SNAP91: variants seen among roughly 807,000 people sequenced by gnomAD.
The protein encoded by SNAP91 is synaptosome associated protein 91.
Under a neutral mutation model 100.3 loss-of-function variants are expected in SNAP91, and 27 were observed. The observed-to-expected ratio is 0.27, with a 90% confidence interval of 0.20 to 0.37. SNAP91 has a LOEUF of 0.37. SNAP91 is among the 10% of genes least tolerant of loss of function. The pLI, the probability that SNAP91 is intolerant of heterozygous loss-of-function variation, is 1.00. For synonymous variants in SNAP91, 404 were observed against 398.6 expected (o/e 1.01, Z -0.16); for missense variants, 986 against 1,123.7 (o/e 0.88, Z 1.75).
chr6:83,694,347 G>T (rs2099167600), intron 2 of SNAP91, among the ~76,000 whole-genome samples: 2 of 152,152 alleles, frequency 1.3e-5, no homozygotes, highest in Non-Finnish European at 2.9e-5. Context: ...ATGCATAGAT[G>T]ACAGTGGAGG....
chr6:83,627,119 G>A (rs2096965121), intron 8 of SNAP91, among the ~76,000 whole-genome samples: 1 of 151,962 alleles, frequency 6.6e-6, no homozygotes, highest in African/African-American at 2.4e-5. Flanking sequence ...TAATTACATG[G>A]TTTTTAATTC....
At chr6:83,585,567 G>T (rs1265706114) in intron 22 of SNAP91, among the ~76,000 whole-genome samples, 1 of 150,740 alleles carries the variant, frequency 6.6e-6, no homozygotes, top group East Asian at 1.9e-4. Context: ...CTATGGAATG[G>T]AATTGGAAAC....
intron 2 of SNAP91, among the ~76,000 whole-genome samples, chr6:83,703,475 G>A (rs2129058670): frequency 6.6e-6 from 1 of 152,012 alleles, no homozygotes; most frequent in South Asian, 2.1e-4. Context: ...TCACTTTTAG[G>A]TTTAAATTTT....
At chr6:83,703,748 G>A (rs1332343213) in intron 2 of SNAP91, among the ~76,000 whole-genome samples, 4 of 152,076 alleles carry the variant, frequency 2.6e-5, no homozygotes, top group Non-Finnish European at 4.4e-5. Flanking sequence ...CTTTTCATGT[G>A]GGATAAGCTC....
intron 2 of SNAP91, among the ~76,000 whole-genome samples, chr6:83,688,855 C>CAT (rs1316908606): frequency 6.6e-6 from 1 of 152,126 alleles, no homozygotes; most frequent in African/African-American, 2.4e-5. Flanking sequence ...ACATATCAGT[C>CAT]ATACCACCAC....
chr6:83,679,763 A>C (rs1049835703), intron 2 of SNAP91, among the ~76,000 whole-genome samples: 12 of 152,214 alleles, frequency 7.9e-5, no homozygotes, highest in African/African-American at 2.9e-4. Flanking sequence ...CAAGTAGTTC[A>C]GCCCTAGGCT....
chr6:83,582,651 T>C (rs554385880), intron 22 of SNAP91, among the ~76,000 whole-genome samples: 74 of 152,296 alleles, frequency 4.9e-4, no homozygotes, highest in Non-Finnish European at 8.8e-4. Context: ...TATAAACAAA[T>C]AAGGTATCAC....
chr6:83,708,203 C>G, intron 1 of SNAP91: 1 of 419,522 alleles, frequency 2.4e-6, no homozygotes, highest in Non-Finnish European at 4.2e-6. Context: ...GACACCGTCC[C>G]CATTCTCCCC....
intron 8 of SNAP91, among the ~76,000 whole-genome samples, chr6:83,624,703 A>C (rs1412261819): frequency 1.3e-5 from 2 of 151,984 alleles, no homozygotes; most frequent in Admixed American, 6.6e-5. Context: ...CACCCTCTCC[A>C]GTGTGATAAC....
chr6:83,613,636 T>C (rs1372884633), intron 11 of SNAP91, among the ~76,000 whole-genome samples: 2 of 152,244 alleles, frequency 1.3e-5, no homozygotes, highest in African/African-American at 4.8e-5. Context: ...TTCCAGACTC[T>C]AGTCCAAGTC....
At chr6:83,562,079 T>C (rs1285601709) in intron 26 of SNAP91, among the ~76,000 whole-genome samples, 1 of 152,136 alleles carries the variant, frequency 6.6e-6, no homozygotes, top group East Asian at 1.9e-4. Flanking sequence ...AACCCAGAAC[T>C]AGATATCTTC....
chr6:83,637,112 TC>T (rs2097489188), intron 8 of SNAP91, among the ~76,000 whole-genome samples: 1 of 152,214 alleles, frequency 6.6e-6, no homozygotes, highest in Admixed American at 6.5e-5. Context: ...CTCTTATTTT[TC>T]AGTGCGTATG....
intron 8 of SNAP91, among the ~76,000 whole-genome samples, chr6:83,633,476 A>T (rs1248521794): frequency 2.0e-5 from 3 of 152,126 alleles, no homozygotes; most frequent in Admixed American, 6.5e-5. Flanking sequence ...TTACCAGGGT[A>T]GGTAGGGAAG....
At chr6:83,568,964 G>T (rs1801784007) in intron 26 of SNAP91, among the ~76,000 whole-genome samples, 1 of 152,164 alleles carries the variant, frequency 6.6e-6, no homozygotes, top group African/African-American at 2.4e-5. Context: ...GAGATCAACT[G>T]GGGAGGCAGG....
chr6:83,698,320 C>A, intron 2 of SNAP91, among the ~76,000 whole-genome samples: 1 of 123,722 alleles, frequency 8.1e-6, no homozygotes, highest in African/African-American at 3.0e-5. Context: ...AAGCAATCTC[C>A]AAGGCCAAAA....
At position 83,556,233 on chromosome 6, in the gene SNAP91, G is replaced by C. The variant is rs772094226; in HGVS notation, c.2644C>G (p.Pro882Ala). 2.6e-6 allele frequency: 4 copies of C among 1,543,860 alleles called. No homozygotes were observed. Among genetic ancestry groups the C allele is most frequent in the Non-Finnish European group, 3.5e-6 (4 of 1,142,216 alleles). Residue 882 changes from proline (P) to alanine (A), a missense_variant, in exon 29 of 30, where the codon CCT becomes GCT. Pro to Ala is a conservative substitution (Grantham distance 27). Coordinates refer to ENST00000369694, the MANE Select transcript of SNAP91 (RefSeq NM_001242792.2). ...AVPGTQLSPS[P>A]TPASQSPKKP... ...TTGGGACTCTGACTGGCAGGTGTAG[G>C]GCTTGGAGAAAGCTAATGGGAAAAA... is the stretch of plus-strand genomic sequence containing the variant.
intron 28 of SNAP91, among the ~76,000 whole-genome samples, chr6:83,559,263 T>C (rs1187979464): frequency 6.6e-6 from 1 of 152,034 alleles, no homozygotes; most frequent in Admixed American, 6.6e-5. Context: ...GAAGATTGAG[T>C]TCCACAAAAT....
chr6:83,649,726 A>G (rs1212394090), intron 7 of SNAP91, among the ~76,000 whole-genome samples: 1 of 149,316 alleles, frequency 6.7e-6, no homozygotes, highest in Non-Finnish European at 1.5e-5. Context: ...GACTATAGAC[A>G]TGAGCCACCA....
chr6:83,627,037 C>T (rs2096962131), intron 8 of SNAP91, among the ~76,000 whole-genome samples: 1 of 152,012 alleles, frequency 6.6e-6, no homozygotes, highest in African/African-American at 2.4e-5. Flanking sequence ...CCTTCAATGC[C>T]TAATTTGTTG....
Sources: allele counts gnomAD v4.1 joint callset (sites outside exome capture counted in the v4.1 genomes callset), GRCh38; gene constraint gnomAD v4.1.1; transcripts MANE v1.5; gene names NCBI Gene and HGNC (gene_info 2026-07-23, HGNC 2026-07-21).